The following CORO2A variants were observed in gnomAD, a reference collection of about 807,000 sequenced individuals.
CORO2A encodes coronin-2A.
CORO2A carries 47 observed loss-of-function variants against 62.4 expected under a neutral mutation model. The observed-to-expected ratio is 0.75, with a 90% CI of 0.60 to 0.96. The LOEUF (loss-of-function observed/expected upper bound fraction) is 0.96, where lower values mean the gene tolerates loss of function less well. Among genes scored for constraint, CORO2A ranks in the 40% least tolerant of loss-of-function variants. The pLI, the probability that CORO2A is intolerant of heterozygous loss-of-function variation, is 0.00. For synonymous variants in CORO2A, 273 were observed against 268.9 expected, an observed-to-expected ratio of 1.02 and a Z score of -0.15; for missense variants, 610 against 684.1, an observed-to-expected ratio of 0.89 and a Z score of 1.21.
In CORO2A at chr9:98,188,539, C is replaced by T. The variant is rs369792677; in HGVS notation, c.-1+4020G>A. Among the ~76,000 whole-genome samples the T allele has an allele frequency of 1.5e-3, 232 of 152,124 alleles. 2 individuals are homozygous for T. In the Middle Eastern group the frequency reaches 0.034, roughly 22 times the overall value. On this transcript the variant is annotated intron_variant, in intron 1 of 11. Coordinates refer to ENST00000375077, the MANE Select transcript of CORO2A (RefSeq NM_052820.4). ...CAGCACTTTGGGAGGCCGAGACAAGCGGATCATTTGAGGTCAGGAGTTCGA... is the reference window on the plus strand; with the variant it reads ...CAGCACTTTGGGAGGCCGAGACAAGTGGATCATTTGAGGTCAGGAGTTCGA...
chr9:98,126,228 G>A (rs988181809), intron 11 of CORO2A, among the ~76,000 whole-genome samples: 17 of 151,186 alleles, frequency 1.1e-4, no homozygotes, highest in Non-Finnish European at 4.4e-5. Context: ...TAGAGATGGG[G>A]TTTCACTATG....
At chr9:98,147,768 A>T (rs73655201) in intron 2 of CORO2A, among the ~76,000 whole-genome samples, 4,630 of 152,220 alleles carry the variant, frequency 0.03, 235 homozygotes, top group African/African-American at 0.11. Flanking sequence ...CAGCAACCGC[A>T]CTCCTGGCCC....
chr9:98,176,869 A>T (rs1828114779), intron 1 of CORO2A, among the ~76,000 whole-genome samples: 1 of 152,216 alleles, frequency 6.6e-6, no homozygotes, highest in Non-Finnish European at 1.5e-5. Flanking sequence ...AACCAGGAAC[A>T]AGATCCAGGT....
At chr9:98,131,206 G>A (rs1827403626) in intron 6 of CORO2A, 147 bp from the exon 7 acceptor site, 1 of 607,384 alleles carries the variant, frequency 1.6e-6, no homozygotes, top group Non-Finnish European at 3.0e-6. Flanking sequence ...TGTGTGTGCG[G>A]GGGGAAGATG....
At chr9:98,190,862 C>T (rs3824454) in intron 1 of CORO2A, among the ~76,000 whole-genome samples, 35,836 of 152,118 alleles carry the variant, frequency 0.24, 4,310 homozygotes, top group African/African-American at 0.25. Context: ...CCTGCTTTTA[C>T]GAGGGGATAA....
chr9:98,154,352 T>TATATATATATATATATATACAC lies in CORO2A; in HGVS notation c.201+3107_201+3108insGTGTATATATATATATATATAT, dbSNP rs71369555. On this transcript the variant is annotated intron_variant, in intron 2 of 11. Transcript: ENST00000375077. ...GTGTATATATATATATATATATATA[T>TATATATATATATATATATACAC]ACACAAATACATATATATATATATT... is the stretch of plus-strand genomic sequence containing the variant. Among the ~76,000 whole-genome samples, 404 of 93,838 alleles carry TATATATATATATATATATACAC rather than the reference T, an allele frequency of 4.3e-3. 5 individuals are homozygous for TATATATATATATATATATACAC. The highest frequency in any genetic ancestry group is 0.013 in the African/African-American group (357 of 26,634). 61.6% of individuals were successfully genotyped at this position (93,838 alleles called of 152,430 possible).
In CORO2A at chr9:98,131,099, C is replaced by T. The variant is rs1479493766; in HGVS notation, c.766-40G>A. ...GAGGCAGGGAAGGCCTGGGTCACTC[C>T]TGGGGGCCCTCAGTGGTGCTCCCGG... is the stretch of plus-strand genomic sequence containing the variant. On this transcript the variant is annotated intron_variant, in intron 6 of 11. Coordinates refer to ENST00000375077, the MANE Select transcript of CORO2A (RefSeq NM_052820.4). The T allele has an allele frequency of 6.3e-6, 9 of 1,427,160 alleles. No individual in the cohort carries two copies. In the Admixed American group the frequency reaches 1.5e-4, roughly 24 times the overall value. The allele number at this position is 1,427,160 out of a possible 1,614,324, so 88.4% of individuals were successfully genotyped here. A position where few individuals can be genotyped will look rare whatever the true frequency, so the allele number is the denominator to read the frequency against.
In CORO2A at chr9:98,121,125, G is replaced by C. The variant is rs1034333437; in HGVS notation, c.*3649C>G. 33 of 152,172 alleles carry C rather than the reference G, an allele frequency of 2.2e-4. No homozygotes were observed. Among genetic ancestry groups the C allele is most frequent in the African/African-American group, 7.7e-4 (32 of 41,434 alleles). 9.4% of individuals were successfully genotyped at this position (152,172 alleles called of 1,614,324 possible). A position where few individuals can be genotyped will look rare whatever the true frequency, so the allele number is the denominator to read the frequency against. ...CAACATTAAAACAATCATTCAAACT[G>C]TTTCAGGCACGGTTTCAATTAAAAG... On this transcript the variant is annotated 3_prime_UTR_variant, in exon 12 of 12. Coordinates refer to ENST00000375077, the MANE Select transcript of CORO2A (RefSeq NM_052820.4).
intron 2 of CORO2A, among the ~76,000 whole-genome samples, chr9:98,156,975 T>C (rs1398960741): frequency 6.6e-6 from 1 of 152,126 alleles, no homozygotes; most frequent in African/African-American, 2.4e-5. Context: ...TTTTTTGGGG[T>C]CAAACCAGTT....
rs140018642 is a variant in CORO2A, at chr9:98,158,972, C to T, written c.1-1312G>A. ...GGCCTCTTTCATGGCCAAACCCATA[C>T]CCATAATACCAGGGGGCCTCCTCTT... On this transcript the variant is annotated intron_variant, in intron 1 of 11. Transcript: ENST00000375077. Among the ~76,000 whole-genome samples the T allele has an allele frequency of 2.5e-3, 387 of 152,180 alleles. 1 individual carries two copies. The highest frequency in any genetic ancestry group is 8.8e-3 in the African/African-American group (366 of 41,508).
intron 2 of CORO2A, among the ~76,000 whole-genome samples, chr9:98,142,835 C>T (rs1827591015): frequency 7.7e-6 from 1 of 129,854 alleles, no homozygotes; most frequent in African/African-American, 3.0e-5. Flanking sequence ...GCCCCACCTC[C>T]CCTGCCCTGC....
chr9:98,129,481 A>G (rs756406880), intron 8 of CORO2A, among the ~76,000 whole-genome samples: 6 of 152,138 alleles, frequency 3.9e-5, no homozygotes, highest in Non-Finnish European at 7.4e-5. Context: ...AGCCCTTTCC[A>G]TCTCTGCTCT....
intron 1 of CORO2A, among the ~76,000 whole-genome samples, chr9:98,165,555 C>A (rs1038481531): frequency 3.9e-5 from 6 of 152,188 alleles, no homozygotes; most frequent in Admixed American, 3.3e-4. Flanking sequence ...CATGTTCATA[C>A]CTCTCAGGGA....
intron 2 of CORO2A, among the ~76,000 whole-genome samples, chr9:98,141,249 G>A (rs1016842360): frequency 2.6e-5 from 4 of 151,972 alleles, no homozygotes; most frequent in African/African-American, 7.3e-5. Context: ...AGAGGTGCAT[G>A]CTTCCTGCCC....
At chr9:98,173,898 C>G (rs1397862010) in intron 1 of CORO2A, among the ~76,000 whole-genome samples, 1 of 152,084 alleles carries the variant, frequency 6.6e-6, no homozygotes, top group African/African-American at 2.4e-5. Context: ...GGGCAGATCA[C>G]CTGAGATCGG....
chr9:98,128,173 G>C lies in CORO2A; in HGVS notation c.1168C>G (p.Arg390Gly). 1 of 1,612,142 alleles carries C rather than the reference G, an allele frequency of 6.2e-7. No homozygotes were observed. The highest frequency in any genetic ancestry group is 1.1e-5 in the South Asian group (1 of 90,668). Residue 390 changes from arginine to glycine, a missense_variant, in exon 10 of 12, where the codon CGA becomes GGA. Transcript: ENST00000375077. ...GCCTCTTCTCTGCCTTCCTCACCTC[G>C]ATTCATCCCGCTGAGCCACTCCTGG... ...TAQEWLSGMNRDPILVSLRPG... is the reference protein window; with the variant it reads ...TAQEWLSGMNGDPILVSLRPG...
chr9:98,162,997 A>G (rs6478582), intron 1 of CORO2A, among the ~76,000 whole-genome samples: 112,167 of 152,120 alleles, frequency 0.74, 42,332 homozygotes, highest in East Asian at 0.97. Context: ...CAAAGCCACA[A>G]CAGGCATTCT....
intron 1 of CORO2A, among the ~76,000 whole-genome samples, chr9:98,169,988 C>T (rs567284665): frequency 6.6e-6 from 1 of 152,264 alleles, no homozygotes; most frequent in African/African-American, 2.4e-5. Flanking sequence ...TAGCCAAAGG[C>T]AGGGAAAAAG....
chr9:98,142,623 C>T (rs145809242), intron 2 of CORO2A, among the ~76,000 whole-genome samples: 6 of 152,318 alleles, frequency 3.9e-5, no homozygotes, highest in South Asian at 2.1e-4. Flanking sequence ...CTCGGGCTGA[C>T]GGGAGGCAAA....
Sources: gnomAD v4.1 joint callset for allele counts (sites outside exome capture counted in the v4.1 genomes callset) on GRCh38, gnomAD v4.1.1 for gene constraint, MANE v1.5 for transcripts, NCBI Gene and HGNC (gene_info 2026-07-23, HGNC 2026-07-21) for gene names.